The following PDE10A variants were observed in gnomAD, a reference collection of about 807,000 sequenced individuals.
The protein encoded by PDE10A is phosphodiesterase 10A.
PDE10A carries 39 observed loss-of-function variants against 97.7 expected under a neutral mutation model. The ratio of observed to expected loss-of-function variants is 0.40; its 90% CI spans 0.31 to 0.52. PDE10A has a LOEUF of 0.52. PDE10A is among the 20% of genes least tolerant of loss of function. The pLI is 0.56. For synonymous variants in PDE10A, 371 were observed against 376.8 expected (o/e 0.98, Z 0.18); for missense variants, 731 against 1,047.8 (o/e 0.70, Z 4.17).
chr6:165,834,412 T>G (rs1056665342), intron 1 of PDE10A, among the ~76,000 whole-genome samples: 5 of 152,222 alleles, frequency 3.3e-5, no homozygotes, highest in Non-Finnish European at 7.3e-5. Flanking sequence ...CGCTGGCTAG[T>G]GGCCGGGTGG....
chr6:165,612,357 G>A (rs1052190694), intron 1 of PDE10A, among the ~76,000 whole-genome samples: 15 of 151,610 alleles, frequency 9.9e-5, no homozygotes, highest in African/African-American at 3.6e-4. Flanking sequence ...ATTAGAAAAT[G>A]ATGTGAGAAA....
intron 3 of PDE10A, among the ~76,000 whole-genome samples, chr6:165,463,819 C>G (rs907651822): frequency 6.6e-6 from 1 of 152,222 alleles, no homozygotes; most frequent in East Asian, 1.9e-4. Flanking sequence ...GAATACCTGG[C>G]CCGCCCAGGG....
intron 1 of PDE10A, among the ~76,000 whole-genome samples, chr6:165,772,238 T>C (rs1778032868): frequency 6.6e-6 from 1 of 152,186 alleles, no homozygotes; most frequent in Non-Finnish European, 1.5e-5. Context: ...AACTCAACAT[T>C]ATGGGGATTA....
chr6:165,750,819 G>A (rs1252965807), intron 1 of PDE10A, among the ~76,000 whole-genome samples: 1 of 152,196 alleles, frequency 6.6e-6, no homozygotes, highest in Admixed American at 6.5e-5. Context: ...CACAGAACGT[G>A]GTGTGAGGAG....
intron 1 of PDE10A, among the ~76,000 whole-genome samples, chr6:165,574,237 C>G (rs559534433): frequency 6.6e-6 from 1 of 151,260 alleles, no homozygotes; most frequent in Non-Finnish European, 1.5e-5. Context: ...TAGTCCAGAA[C>G]AGTGACTCCA....
At chr6:165,459,256 G>T (rs996063361) in intron 3 of PDE10A, among the ~76,000 whole-genome samples, 20 of 152,040 alleles carry the variant, frequency 1.3e-4, no homozygotes, top group African/African-American at 4.8e-4. Flanking sequence ...TTAATTTGAT[G>T]CTCAAGTTGG....
chr6:165,385,451 G>C (rs375807743), intron 17 of PDE10A, among the ~76,000 whole-genome samples: 32 of 152,180 alleles, frequency 2.1e-4, no homozygotes, highest in African/African-American at 7.2e-4. Flanking sequence ...TGTGCCAGGT[G>C]GTGGGCCAAT....
At chr6:165,350,066 C>T (rs1782595900) in intron 18 of PDE10A, among the ~76,000 whole-genome samples, 1 of 152,164 alleles carries the variant, frequency 6.6e-6, no homozygotes, top group South Asian at 2.1e-4. Flanking sequence ...GGGGCAGTGC[C>T]TTGTGGAGCT....
chr6:165,943,361 A>AAAGAAAGAAAGAAAGAAAGAAAGAAAGT (rs1167502272), intron 1 of PDE10A, among the ~76,000 whole-genome samples: 1 of 89,862 alleles, frequency 1.1e-5, no homozygotes, highest in Non-Finnish European at 2.4e-5. Context: ...AGAAAGAAAG[A>AAAGAAAGAAAGAAAGAAAGAAAGAAAGT]GAAAGAAAGA....
intron 14 of PDE10A, 96 bp downstream of exon 14, chr6:165,396,221 A>G (rs1248748948): frequency 8.8e-7 from 1 of 1,132,666 alleles, no homozygotes; most frequent in African/African-American, 1.6e-5. Context: ...TAATATGTGT[A>G]TAATAATTGT....
intron 1 of PDE10A, among the ~76,000 whole-genome samples, chr6:165,963,721 T>A (rs1244134866): frequency 6.6e-6 from 1 of 152,216 alleles, no homozygotes; most frequent in Non-Finnish European, 1.5e-5. Flanking sequence ...CTCCTTCCTC[T>A]CTTGACCCCA....
intron 2 of PDE10A, among the ~76,000 whole-genome samples, chr6:165,512,610 T>C (rs1193112341): frequency 6.6e-6 from 1 of 152,016 alleles, no homozygotes; most frequent in East Asian, 1.9e-4. Flanking sequence ...ATTTGAATTG[T>C]TTCCAGTTTG....
chr6:165,795,415 A>C (rs542837907), intron 1 of PDE10A, among the ~76,000 whole-genome samples: 8 of 152,064 alleles, frequency 5.3e-5, no homozygotes, highest in Admixed American at 2.0e-4. Flanking sequence ...ATAGCACATC[A>C]CCTGTGACTG....
intron 1 of PDE10A, among the ~76,000 whole-genome samples, chr6:165,879,292 G>A (rs1464238276): frequency 6.6e-6 from 1 of 152,160 alleles, no homozygotes; most frequent in Non-Finnish European, 1.5e-5. Flanking sequence ...TATCAAATTT[G>A]CTAAGGGAGT....
rs1460877245 is a variant in PDE10A, at chr6:165,896,603, CA to C, written c.-615+90925del. 3.3e-5 allele frequency among the ~76,000 whole-genome samples: 5 copies of C among 149,274 alleles called. 1 individual carries two copies. In the Admixed American group the frequency reaches 3.4e-4, roughly 10 times the overall value. On this transcript the variant is annotated intron_variant, in intron 1 of 19. Transcript: ENST00000366882. ...ACAGTGGCGCAATCTCGGCTCACTG[CA>C]AGCTCCGCCTCCCGGGTACACGCCA...
At chr6:165,629,302 T>A (rs1423683998) in intron 1 of PDE10A, among the ~76,000 whole-genome samples, 1 of 152,100 alleles carries the variant, frequency 6.6e-6, no homozygotes, top group Non-Finnish European at 1.5e-5. Flanking sequence ...TTCCAGAAAA[T>A]AGTGTACCAA....
At chr6:165,943,526 T>C (rs1583321055) in intron 1 of PDE10A, among the ~76,000 whole-genome samples, 1 of 152,026 alleles carries the variant, frequency 6.6e-6, no homozygotes, top group African/African-American at 2.4e-5. Flanking sequence ...CCTGAGAACC[T>C]GGGAAGCCAC....
intron 1 of PDE10A, among the ~76,000 whole-genome samples, chr6:165,579,974 C>T (rs927894033): frequency 6.6e-6 from 1 of 152,166 alleles, no homozygotes; most frequent in Non-Finnish European, 1.5e-5. Flanking sequence ...TAGCCCAACT[C>T]CTGACCCTCC....
At chr6:165,515,744 A>G (rs671829) in intron 2 of PDE10A, among the ~76,000 whole-genome samples, 141,100 of 152,056 alleles carry the variant, frequency 0.93, 65,653 homozygotes, top group East Asian at 1. Flanking sequence ...GGCTGCTCTC[A>G]AACTCCTGAC....
Sources: allele counts gnomAD v4.1 joint callset (sites outside exome capture counted in the v4.1 genomes callset), GRCh38; gene constraint gnomAD v4.1.1; transcripts MANE v1.5; gene names NCBI Gene and HGNC (gene_info 2026-07-23, HGNC 2026-07-21).